CCDC178: variants seen among roughly 807,000 people sequenced by gnomAD.
The protein encoded by CCDC178 is coiled-coil domain containing 178, also known as coiled-coil domain-containing protein 178.
A neutral mutation model predicts 117.4 loss-of-function variants in CCDC178; 126 were observed. The observed-to-expected ratio is 1.07, with a 90% CI of 0.93 to 1.24. CCDC178 has a LOEUF of 1.24. CCDC178 is among the 50% of genes most tolerant of loss of function. CCDC178 has a pLI of 0.00. For missense variants in CCDC178, 1,030 were observed against 986.9 expected, an observed-to-expected ratio of 1.04 and a Z score of -0.59; for synonymous variants, 283 against 313.4, an observed-to-expected ratio of 0.90 and a Z score of 1.02.
intron 20 of CCDC178, among the ~76,000 whole-genome samples, chr18:33,183,940 G>A (rs867441901): frequency 9.9e-5 from 15 of 152,130 alleles, no homozygotes; most frequent in Middle Eastern, 3.4e-3. Context: ...TATTTTATTA[G>A]AGTGATTCAG....
chr18:33,289,568 C>T (rs58153183), intron 12 of CCDC178, among the ~76,000 whole-genome samples: 6,896 of 151,990 alleles, frequency 0.045, 194 homozygotes, highest in East Asian at 0.13. Context: ...GAGCCAAGAT[C>T]GCATCACTGC....
At chr18:33,424,612 G>C (rs1323090034) in intron 2 of CCDC178, among the ~76,000 whole-genome samples, 1 of 152,190 alleles carries the variant, frequency 6.6e-6, no homozygotes. Context: ...GACAGAGAGA[G>C]AACCACAACT....
At chr18:33,274,902 C>T (rs2144797575) in intron 12 of CCDC178, among the ~76,000 whole-genome samples, 1 of 152,152 alleles carries the variant, frequency 6.6e-6, no homozygotes, top group African/African-American at 2.4e-5. Context: ...CAATCTGCAA[C>T]TTTTGGATAA....
intron 2 of CCDC178, among the ~76,000 whole-genome samples, chr18:33,429,294 CTG>C (rs1263982342): frequency 6.6e-6 from 1 of 151,020 alleles, no homozygotes; most frequent in East Asian, 1.9e-4. Context: ...CCTACACAAA[CTG>C]AGAGAGAAAG....
At chr18:32,965,837 A>G (rs2054800917) in intron 22 of CCDC178, among the ~76,000 whole-genome samples, 1 of 150,658 alleles carries the variant, frequency 6.6e-6, no homozygotes, top group Admixed American at 6.6e-5. Flanking sequence ...TACTTCTGAT[A>G]TTTGGCATTT....
chr18:33,314,033 TA>T (rs1448921959), intron 11 of CCDC178, among the ~76,000 whole-genome samples: 2 of 149,508 alleles, frequency 1.3e-5, no homozygotes, highest in African/African-American at 4.9e-5. Flanking sequence ...ATCCCGTCTC[TA>T]CTAAAAATAC....
intron 2 of CCDC178, among the ~76,000 whole-genome samples, chr18:33,433,723 A>C (rs973221510): frequency 2.0e-5 from 3 of 152,106 alleles, no homozygotes; most frequent in African/African-American, 7.2e-5. Context: ...GTTATGTTTC[A>C]TTCTAAACAG....
chr18:33,000,401 G>C (rs1440450164), intron 21 of CCDC178, among the ~76,000 whole-genome samples: 1 of 152,158 alleles, frequency 6.6e-6, no homozygotes, highest in Non-Finnish European at 1.5e-5. Flanking sequence ...GGTAGAGAAA[G>C]AGATGGGGTA....
At chr18:33,365,529 T>G (rs2144742424) in intron 6 of CCDC178, among the ~76,000 whole-genome samples, 1 of 152,272 alleles carries the variant, frequency 6.6e-6, no homozygotes, top group Non-Finnish European at 1.5e-5. Flanking sequence ...CTAATAAGGT[T>G]TTAATAAGAA....
intron 12 of CCDC178, among the ~76,000 whole-genome samples, chr18:33,280,903 T>C (rs2060016885): frequency 6.6e-6 from 1 of 151,880 alleles, no homozygotes. Context: ...AATTGAACAA[T>C]GAGAACACAT....
At chr18:33,223,340 A>T in intron 17 of CCDC178, 121 bp from the exon 18 acceptor site, 1 of 1,120,192 alleles carries the variant, frequency 8.9e-7, no homozygotes, top group Non-Finnish European at 1.2e-6. Context: ...AAATAAAGGG[A>T]AAGAACCATC....
At chr18:32,947,336 T>A (rs1019567825) in intron 22 of CCDC178, among the ~76,000 whole-genome samples, 1 of 152,204 alleles carries the variant, frequency 6.6e-6, no homozygotes, top group Non-Finnish European at 1.5e-5. Context: ...GTATGAGAGT[T>A]TTAGTTTCTT....
rs550712458 is a variant in CCDC178, at chr18:33,212,075, T to G, written c.2079-20A>C. The G allele has an allele frequency of 2.0e-6, 3 of 1,536,328 alleles. No homozygotes were observed. In the South Asian group the frequency reaches 3.7e-5, roughly 19 times the overall value. ...TTGTTCCTGTGAAGAAAGAATTCCATGTGCCACTAATCAATTCACATTTTA... is the reference window on the plus strand; with the variant it reads ...TTGTTCCTGTGAAGAAAGAATTCCAGGTGCCACTAATCAATTCACATTTTA... On this transcript the variant is annotated intron_variant, in intron 19 of 22. Coordinates refer to ENST00000383096, the MANE Select transcript of CCDC178 (RefSeq NM_001105528.4).
intron 5 of CCDC178, among the ~76,000 whole-genome samples, chr18:33,379,795 T>C (rs1259835460): frequency 6.6e-6 from 1 of 152,130 alleles, no homozygotes; most frequent in Non-Finnish European, 1.5e-5. Context: ...TGGATCAGGC[T>C]GCTGTTCCAG....
intron 14 of CCDC178, among the ~76,000 whole-genome samples, chr18:33,259,513 C>T (rs2059716562): frequency 6.6e-6 from 1 of 152,086 alleles, no homozygotes; most frequent in Admixed American, 6.6e-5. Context: ...GGGAGGCAAG[C>T]ACATATTAGC....
intron 20 of CCDC178, among the ~76,000 whole-genome samples, chr18:33,112,668 G>A (rs563469872): frequency 3.3e-5 from 5 of 151,968 alleles, no homozygotes; most frequent in African/African-American, 1.2e-4. Context: ...CACTTTGTTA[G>A]CTTTCATAGC....
intron 20 of CCDC178, among the ~76,000 whole-genome samples, chr18:33,151,862 G>A (rs2144344448): frequency 6.6e-6 from 1 of 152,260 alleles, no homozygotes; most frequent in Middle Eastern, 3.4e-3. Flanking sequence ...CACTCAGTAA[G>A]TATCAGAATT....
At chr18:33,215,147 G>A (rs745564751) in intron 19 of CCDC178, among the ~76,000 whole-genome samples, 1 of 151,900 alleles carries the variant, frequency 6.6e-6, no homozygotes, top group African/African-American at 2.4e-5. Context: ...TAAATTGCAC[G>A]AGGTTTCATA....
rs181573969 is a variant in CCDC178 at position 33,218,052 on chromosome 18, C to T, written c.1933-2357G>A. The stretch of plus-strand genomic sequence containing the variant: ...CACACATAAAACATGCAGCAAATAT[C>T]TATTATTTTCTCTGTAATTTTTTAA... On this transcript the variant is annotated intron_variant, in intron 18 of 22. Transcript: ENST00000383096. Among the ~76,000 whole-genome samples the T allele has an allele frequency of 5.3e-5, 8 of 152,132 alleles. No individual in the cohort carries two copies. The East Asian group carries it at 1.5e-3, about 29-fold the overall frequency.
Sources: allele counts gnomAD v4.1 joint callset (sites outside exome capture counted in the v4.1 genomes callset), GRCh38; gene constraint gnomAD v4.1.1; transcripts MANE v1.5; gene names NCBI Gene and HGNC (gene_info 2026-07-23, HGNC 2026-07-21).